VPS54: variants seen among roughly 807,000 people sequenced by gnomAD.
The protein encoded by VPS54 is vacuolar protein sorting-associated protein 54.
VPS54 carries 45 observed loss-of-function variants against 121.5 expected under a neutral mutation model. The ratio of observed to expected loss-of-function variants is 0.37; its 90% CI spans 0.29 to 0.47. The LOEUF is 0.47. VPS54 is among the 20% of genes least tolerant of loss of function. VPS54 has a pLI of 0.99. For synonymous variants in VPS54, 371 were observed against 385.8 expected (o/e 0.96, Z 0.45); for missense variants, 1,090 against 1,131.4 (o/e 0.96, Z 0.52).
chr2:63,916,173 C>A (rs763987197), intron 16 of VPS54, among the ~76,000 whole-genome samples: 1 of 152,076 alleles, frequency 6.6e-6, no homozygotes, highest in Non-Finnish European at 1.5e-5. Context: ...TCCCCAATAT[C>A]TTTATTTTAC....
Position 63,899,570 on chromosome 2 carries a change from C to A in VPS54, c.2637G>T (p.Lys879Asn). ...TGAAACAGGCAGAAGGAACAGGAGC[C>A]TTCACTTCATACTGGTAGGAAAAAA... is the stretch of plus-strand genomic sequence containing the variant. Reference protein sequence around the residue: ...FDKLLSKYEVKAPVPSACFRN... With the variant: ...FDKLLSKYEVNAPVPSACFRN... Residue 879 changes from lysine to asparagine, a missense_variant, in exon 21 of 23, where the codon AAG becomes AAT. Transcript: ENST00000272322. 6.2e-7 allele frequency: 1 copy of A among 1,613,262 alleles called. No individual in the cohort carries two copies. Among genetic ancestry groups the A allele is most frequent in the Non-Finnish European group, 8.5e-7 (1 of 1,179,748 alleles).
intron 11 of VPS54, among the ~76,000 whole-genome samples, chr2:63,934,327 C>A (rs555240410): frequency 1.5e-3 from 224 of 152,246 alleles, no homozygotes; most frequent in African/African-American, 5.2e-3. Flanking sequence ...ACATAACTTG[C>A]CCATCAGAGA....
chr2:63,978,809 G>A (rs572948006), intron 3 of VPS54, among the ~76,000 whole-genome samples: 5 of 152,108 alleles, frequency 3.3e-5, no homozygotes, highest in East Asian at 1.9e-4. Context: ...TAGTAGAGAC[G>A]GAGTTTCACC....
rs1444833060 is a variant in VPS54, at chr2:64,016,496, T to C, written c.-21+2442A>G. Reference sequence around the variant, plus strand: ...AAAGCTGGGGGTGGGGTGAAGAGAATGGGGAGTAACTGTTAATGGATAAAG... The same window carrying C: ...AAAGCTGGGGGTGGGGTGAAGAGAACGGGGAGTAACTGTTAATGGATAAAG... On this transcript the variant is annotated intron_variant, in intron 1 of 22. Coordinates refer to ENST00000272322, the MANE Select transcript of VPS54 (RefSeq NM_016516.3). Among the ~76,000 whole-genome samples, 19 of 152,004 alleles carry C rather than the reference T, an allele frequency of 1.2e-4. 1 individual carries two copies. Among genetic ancestry groups the C allele is most frequent in the Admixed American group, 1.2e-3 (19 of 15,246 alleles).
At chr2:63,922,979 T>C (rs1673714063) in intron 12 of VPS54, among the ~76,000 whole-genome samples, 1 of 152,012 alleles carries the variant, frequency 6.6e-6, no homozygotes, top group Admixed American at 6.5e-5. Context: ...CAAAGTTAGT[T>C]TTTTAAAATA....
chr2:63,971,659 C>T (rs903350324), intron 4 of VPS54, among the ~76,000 whole-genome samples: 1 of 152,202 alleles, frequency 6.6e-6, no homozygotes, highest in African/African-American at 2.4e-5. Context: ...CTAAGTTACG[C>T]ATGTTATAAA....
intron 3 of VPS54, chr2:63,975,609 A>T (rs1676487516): frequency 6.6e-6 from 1 of 152,448 alleles, no homozygotes; most frequent in Non-Finnish European, 1.5e-5. Flanking sequence ...CTGACTCAGC[A>T]CATGGAGATG....
At chr2:63,999,210 A>C (rs576576538) in intron 1 of VPS54, among the ~76,000 whole-genome samples, 1 of 152,278 alleles carries the variant, frequency 6.6e-6, no homozygotes, top group African/African-American at 2.4e-5. Context: ...TCAGCCTCCC[A>C]AAGTGCCAGG....
rs564286095 is a variant in VPS54 at position 63,930,059 on chromosome 2, T to G, written c.1739+3614A>C. Among the ~76,000 whole-genome samples, 4 of 152,198 alleles carry G rather than the reference T, an allele frequency of 2.6e-5. No individual in the cohort carries two copies. The East Asian group carries it at 7.7e-4, about 29-fold the overall frequency. On this transcript the variant is annotated intron_variant, in intron 12 of 22. Transcript: ENST00000272322. ...CAAAAAAAGTTCAGGACCAGACAGA[T>G]TCACAGCTGAATTCTACCAGAGGTA...
At chr2:63,898,849 C>A (rs1235547148) in intron 21 of VPS54, among the ~76,000 whole-genome samples, 6 of 151,714 alleles carry the variant, frequency 4.0e-5, no homozygotes, top group Admixed American at 6.6e-5. Flanking sequence ...GAGAGCGCAA[C>A]AGGGCTGTAG....
chr2:63,893,542 A>G lies in VPS54; in HGVS notation c.2829-7T>C. 1 of 1,602,118 alleles carries G rather than the reference A, an allele frequency of 6.2e-7. No homozygotes were observed. The highest frequency in any genetic ancestry group is 1.3e-5 in the African/African-American group (1 of 74,240). ...TACATCTGCTGTGACCAACCTAAATAATGGAGAGAAAATTATTTTTTAAAT... is the reference window on the plus strand; with the variant it reads ...TACATCTGCTGTGACCAACCTAAATGATGGAGAGAAAATTATTTTTTAAAT... On this transcript the variant is annotated splice_polypyrimidine_tract_variant and splice_region_variant and intron_variant, in intron 22 of 22. Transcript: ENST00000272322.
chr2:63,915,740 CAGAAG>C (rs898783085), intron 16 of VPS54, among the ~76,000 whole-genome samples: 3 of 152,100 alleles, frequency 2.0e-5, no homozygotes, highest in Admixed American at 2.0e-4. Context: ...GGAAGGACTT[CAGAAG>C]AGAAAAGAAT....
chr2:63,940,435 A>G (rs1388641024), intron 11 of VPS54, among the ~76,000 whole-genome samples: 2 of 152,176 alleles, frequency 1.3e-5, no homozygotes, highest in African/African-American at 4.8e-5. Flanking sequence ...GCACATACAT[A>G]AAATAATAAC....
chr2:63,990,126 T>A (rs1468421363), intron 1 of VPS54, among the ~76,000 whole-genome samples: 1 of 152,190 alleles, frequency 6.6e-6, no homozygotes, highest in Non-Finnish European at 1.5e-5. Context: ...ATTTTCTGAA[T>A]GTGAGGACCC....
At chr2:63,945,244 C>T (rs1674924331) in intron 9 of VPS54, among the ~76,000 whole-genome samples, 1 of 152,176 alleles carries the variant, frequency 6.6e-6, no homozygotes, top group African/African-American at 2.4e-5. Context: ...TTTGCAGGAA[C>T]ATGGATGGAG....
chr2:63,952,531 TA>T (rs1211493572), intron 7 of VPS54, among the ~76,000 whole-genome samples: 1 of 152,206 alleles, frequency 6.6e-6, no homozygotes, highest in Non-Finnish European at 1.5e-5. Flanking sequence ...ACACAATTTT[TA>T]AAAAATTAGT....
At chr2:64,018,609 C>T (rs1409159165) in intron 1 of VPS54, among the ~76,000 whole-genome samples, 1 of 151,846 alleles carries the variant, frequency 6.6e-6, no homozygotes, top group Non-Finnish European at 1.5e-5. Context: ...AGTTTGGGGG[C>T]AGCGTCTAAG....
At chr2:63,939,013 T>C (rs752419654) in intron 11 of VPS54, among the ~76,000 whole-genome samples, 78 of 152,362 alleles carry the variant, frequency 5.1e-4, no homozygotes, top group Admixed American at 1.0e-3. Flanking sequence ...ATATGAAATT[T>C]ATAAATCCCA....
At chr2:63,977,248 C>G (rs928845733) in intron 3 of VPS54, among the ~76,000 whole-genome samples, 3 of 152,186 alleles carry the variant, frequency 2.0e-5, no homozygotes, top group African/African-American at 7.2e-5. Context: ...GATTTCTGCT[C>G]TAATTTTTAT....
Sources: gnomAD v4.1 joint callset for allele counts (sites outside exome capture counted in the v4.1 genomes callset) on GRCh38, gnomAD v4.1.1 for gene constraint, MANE v1.5 for transcripts, NCBI Gene and HGNC (gene_info 2026-07-23, HGNC 2026-07-21) for gene names.